The following NDRG4 variants were observed in gnomAD, a reference collection of about 807,000 sequenced individuals.
The protein encoded by NDRG4 is protein NDRG4.
NDRG4 carries 38 observed loss-of-function variants against 55.8 expected under a neutral mutation model. The observed-to-expected ratio is 0.68, with a 90% CI of 0.53 to 0.89. The LOEUF (loss-of-function observed/expected upper bound fraction) is 0.89, where lower values mean the gene tolerates loss of function less well. Among genes scored for constraint, NDRG4 ranks in the 40% least tolerant of loss-of-function variants. NDRG4 has a pLI of 0.00. For missense variants in NDRG4, 455 were observed against 468.6 expected (o/e 0.97, Z 0.27); for synonymous variants, 190 against 182.7 (o/e 1.04, Z -0.32).
chr16:58,475,857 CA>C (rs1298369200), intron 1 of NDRG4, among the ~76,000 whole-genome samples: 1 of 151,744 alleles, frequency 6.6e-6, no homozygotes, highest in Non-Finnish European at 1.5e-5. Context: ...AGTGCAGTGG[CA>C]CAATCTTGGC....
downstream of NDRG4, among the ~76,000 whole-genome samples, chr16:58,514,641 C>G (rs2039060216): frequency 6.7e-6 from 1 of 150,184 alleles, no homozygotes; most frequent in South Asian, 2.1e-4. Flanking sequence ...ACTTGGGAGG[C>G]TGAGGCAGGG....
At chr16:58,495,894 G>A (rs374708184), upstream of NDRG4, among the ~76,000 whole-genome samples, 2 of 152,306 alleles carry the variant, frequency 1.3e-5, no homozygotes, top group East Asian at 3.9e-4. Flanking sequence ...GCAGTGGGGA[G>A]TGAATGGGAG....
At chr16:58,472,460 G>A (rs931810497) in intron 1 of NDRG4, among the ~76,000 whole-genome samples, 1 of 152,186 alleles carries the variant, frequency 6.6e-6, no homozygotes, top group South Asian at 2.1e-4. Context: ...TGTCAAGCAC[G>A]TAGGGCCCTC....
chr16:58,510,249 C>T (rs1177960268), intron 13 of NDRG4, among the ~76,000 whole-genome samples: 1 of 152,210 alleles, frequency 6.6e-6, no homozygotes, highest in African/African-American at 2.4e-5. Context: ...CAAGCATTTG[C>T]GAGGTGAACG....
chr16:58,500,998 G>T, intron 1 of NDRG4: 2 of 1,245,470 alleles, frequency 1.6e-6, no homozygotes, highest in Non-Finnish European at 2.0e-6. Context: ...GTGGGGGAAG[G>T]CAACGCTGGA....
intron 5 of NDRG4, 197 bp downstream of exon 5, chr16:58,504,846 T>C: frequency 3.3e-6 from 2 of 601,200 alleles, no homozygotes; most frequent in East Asian, 2.8e-5. Flanking sequence ...AAAAAGAGGT[T>C]CCTTTCTCCA....
At chr16:58,477,178 G>A (rs983720180) in intron 1 of NDRG4, among the ~76,000 whole-genome samples, 1 of 150,500 alleles carries the variant, frequency 6.6e-6, no homozygotes, top group Admixed American at 6.7e-5. Context: ...ATATATATAT[G>A]TATGTGTGTG....
At chr16:58,507,506 T>G (rs1567351607) in intron 8 of NDRG4, 3 of 426,312 alleles carry the variant, frequency 7.0e-6, no homozygotes, top group Non-Finnish European at 1.2e-5. Flanking sequence ...AACAAAACAA[T>G]AGAGAATAGA....
At chr16:58,505,900 T>C (rs570601430) in intron 5 of NDRG4, 1 of 244,320 alleles carries the variant, frequency 4.1e-6, no homozygotes, top group South Asian at 4.3e-5. Flanking sequence ...TTTTGTATTT[T>C]TATTAGAGAC....
Position 58,464,968 on chromosome 16 carries a change from C to G in NDRG4, c.-24+1171C>G, listed in dbSNP as rs2031283284. ...GATTGGACCCTACTGACTGGGGACC[C>G]TCAGCCTTGGGGCTCCTCTGGAGAA... On this transcript the variant is annotated intron_variant, in intron 1 of 15. Transcript: ENST00000258187. This position sits in a 1 kb window ranked among gnomAD's most constrained non-coding sequence, Gnocchi z 4.8. The G allele has an allele frequency of 3.3e-6, 4 of 1,196,460 alleles. No homozygotes were observed. In the South Asian group the frequency reaches 4.5e-5, roughly 14 times the overall value. 74.1% of individuals were successfully genotyped at this position (1,196,460 alleles called of 1,614,324 possible). A position where few individuals can be genotyped will look rare whatever the true frequency, so the allele number is the denominator to read the frequency against.
chr16:58,511,071 G>A, intron 14 of NDRG4: 1 of 471,250 alleles, frequency 2.1e-6, no homozygotes, highest in East Asian at 3.5e-5. Context: ...TTAGGGCACA[G>A]TCTGAATTGA....
chr16:58,477,790 G>A (rs2033875457), intron 1 of NDRG4, among the ~76,000 whole-genome samples: 1 of 152,022 alleles, frequency 6.6e-6, no homozygotes, highest in Non-Finnish European at 1.5e-5. Flanking sequence ...GGAGGGGGTG[G>A]GGAAGTATGA....
chr16:58,481,994 A>G (rs1441662122), intron 1 of NDRG4, among the ~76,000 whole-genome samples: 1 of 152,092 alleles, frequency 6.6e-6, no homozygotes, highest in Non-Finnish European at 1.5e-5. Flanking sequence ...AGCGTCGGGT[A>G]GGGTGGTGGC....
At chr16:58,465,061 A>G (rs1278216462) in intron 1 of NDRG4, 1 of 1,279,018 alleles carries the variant, frequency 7.8e-7, no homozygotes, top group Non-Finnish European at 1.0e-6. Flanking sequence ...GCGAACGGTC[A>G]GGAAGAGGAG....
intron 13 of NDRG4, 84 bp downstream of exon 13, chr16:58,509,436 T>G: frequency 7.0e-7 from 1 of 1,429,484 alleles, no homozygotes; most frequent in Non-Finnish European, 9.7e-7. Flanking sequence ...TTTGCAGGGC[T>G]GGCACGTGGT....
intron 5 of NDRG4, among the ~76,000 whole-genome samples, chr16:58,505,363 A>AT (rs143850501): frequency 0.038 from 5,806 of 151,162 alleles, 372 homozygotes; most frequent in African/African-American, 0.13. Context: ...AAATAAAAAA[A>AT]TAAAAAAAAT....
At position 58,503,063 on chromosome 16, in the gene NDRG4, T is replaced by C. The variant is rs550207178; in HGVS notation, c.22-735T>C. Among the ~76,000 whole-genome samples the C allele has an allele frequency of 1.5e-4, 23 of 152,298 alleles. 2 individuals are homozygous for C. Among genetic ancestry groups the C allele is most frequent in the African/African-American group, 5.3e-4 (22 of 41,550 alleles). The stretch of plus-strand genomic sequence containing the variant: ...GCTGAGGCACAGCAGAGAAGTAACA[T>C]GACATGCTCAGTCACAAGTAAGGGG... On this transcript the variant is annotated intron_variant, in intron 1 of 14. Transcript: ENST00000570248.
In NDRG4 at chr16:58,482,715, TCCTCCCTC is replaced by T. The variant is rs199926068; in HGVS notation, c.-23-5029_-23-5022del. On this transcript the variant is annotated intron_variant, in intron 1 of 15. Transcript: ENST00000258187. ...TTCCTTCCTCCCTCCCTCCTTTCCT[TCCTCCCTC>T]CCTCCCTCCCTTCCTTCCTCCCTCC... Among the ~76,000 whole-genome samples the T allele has an allele frequency of 3.8e-5, 4 of 106,056 alleles. No homozygotes were observed. The East Asian group carries it at 1.3e-3, about 34-fold the overall frequency. 69.6% of individuals were successfully genotyped at this position (106,056 alleles called of 152,430 possible).
chr16:58,481,932 A>G (rs1335673524), intron 1 of NDRG4, among the ~76,000 whole-genome samples: 1 of 152,032 alleles, frequency 6.6e-6, no homozygotes, highest in Admixed American at 6.5e-5. Flanking sequence ...TGATTCCCCA[A>G]TTTCCGGGGT....
Sources: gnomAD v4.1 joint callset for allele counts (sites outside exome capture counted in the v4.1 genomes callset) on GRCh38, gnomAD v4.1.1 for gene constraint, Gnocchi (gnomAD v3.1) non-coding constraint, MANE v1.5 for transcripts, NCBI Gene and HGNC (gene_info 2026-07-23, HGNC 2026-07-21) for gene names.